TOP2B: variants seen among roughly 807,000 people sequenced by gnomAD.
The protein encoded by TOP2B is DNA topoisomerase 2-beta.
In TOP2B, 51 loss-of-function variants were observed where a neutral mutation model predicts 193.5. That is an observed-to-expected ratio of 0.26 (90% CI 0.21 to 0.33). The LOEUF is 0.33. TOP2B is among the 10% of genes least tolerant of loss of function. The probability of loss-of-function intolerance (pLI) is 1.00; values close to 1 mark genes in which losing one functional copy is unlikely to be tolerated. For missense variants in TOP2B, 1,378 were observed against 1,909.3 expected (o/e 0.72, Z 5.19); for synonymous variants, 634 against 635.7 (o/e 1.00, Z 0.04).
chr3:25,602,656 A>G (rs1417044442), intron 33 of TOP2B, among the ~76,000 whole-genome samples: 1 of 152,228 alleles, frequency 6.6e-6, no homozygotes, highest in South Asian at 2.1e-4. Flanking sequence ...CTTCATGACT[A>G]TATCTACCAC....
At chr3:25,642,485 T>A (rs958127770) in intron 3 of TOP2B, 100 bp from the exon 4 acceptor site, 8 of 593,762 alleles carry the variant, frequency 1.3e-5, no homozygotes, top group Middle Eastern at 8.0e-4. Flanking sequence ...AACATCTACA[T>A]ATGGTAATAG....
In TOP2B at chr3:25,618,464, C is replaced by T; in HGVS notation, c.3305G>A (p.Gly1102Asp). The T allele has an allele frequency of 1.9e-6, 3 of 1,613,118 alleles. No homozygotes were observed. Among genetic ancestry groups the T allele is most frequent in the Non-Finnish European group, 2.5e-6 (3 of 1,179,406 alleles). ...KDLIQMLVQR[G>D]YESDPVKAWK... ...GGCTTTCACTGGGTCAGATTCATAA[C>T]CTCTCTGGACTAACATTTGAATCAA... is the stretch of plus-strand genomic sequence containing the variant. Residue 1102 changes from glycine to aspartate, a missense_variant, in exon 25 of 36, where the codon GGT becomes GAT. Transcript: ENST00000264331.
In TOP2B at chr3:25,600,971, T is replaced by C. The variant is rs1702076736; in HGVS notation, c.4615+129A>G. The C allele has an allele frequency of 5.6e-6, 5 of 900,796 alleles. No individual in the cohort carries two copies. The South Asian group carries it at 8.9e-5, about 16-fold the overall frequency. 55.8% of individuals were successfully genotyped at this position (900,796 alleles called of 1,614,324 possible). A position where few individuals can be genotyped will look rare whatever the true frequency, so the allele number is the denominator to read the frequency against. ...ATTCAGCACTGATTCCTAGACACACTGCTTACTGAGGAGTAAAGCAATTTA... is the reference window on the plus strand; with the variant it reads ...ATTCAGCACTGATTCCTAGACACACCGCTTACTGAGGAGTAAAGCAATTTA... On this transcript the variant is annotated intron_variant, in intron 34 of 35. Coordinates refer to ENST00000264331, the MANE Select transcript of TOP2B (RefSeq NM_001330700.2).
rs1402478862 is a variant in TOP2B at position 25,615,392 on chromosome 3, G to C, written c.3507+39C>G. On this transcript the variant is annotated intron_variant, in intron 26 of 35. Transcript: ENST00000264331. Reference sequence around the variant, plus strand: ...AAAAGAAAAAGATACAGATAACACTGAAATAGTTTCAAACTATTTAACCCA... The same window carrying C: ...AAAAGAAAAAGATACAGATAACACTCAAATAGTTTCAAACTATTTAACCCA... 6 of 1,530,712 alleles carry C rather than the reference G, an allele frequency of 3.9e-6. No individual in the cohort carries two copies. The Admixed American group carries it at 8.6e-5, about 22-fold the overall frequency. The allele number at this position is 1,530,712 out of a possible 1,614,324, so 94.8% of individuals were successfully genotyped here.
chr3:25,647,691 T>C (rs1703449732), intron 1 of TOP2B, among the ~76,000 whole-genome samples: 1 of 152,086 alleles, frequency 6.6e-6, no homozygotes, highest in Non-Finnish European at 1.5e-5. Context: ...ACTTCCTTAC[T>C]TATAATCACC....
chr3:25,628,717 A>G (rs1436452200), intron 15 of TOP2B, 130 bp downstream of exon 15: 2 of 586,098 alleles, frequency 3.4e-6, no homozygotes, highest in African/African-American at 3.8e-5. Context: ...TTTCTATAAC[A>G]ATACTTTAAA....
intron 1 of TOP2B, among the ~76,000 whole-genome samples, chr3:25,656,222 C>T (rs866100453): frequency 7.2e-5 from 11 of 151,976 alleles, no homozygotes; most frequent in Non-Finnish European, 5.9e-5. Flanking sequence ...TCAGGAAAAG[C>T]CTTAAGGGAT....
chr3:25,630,653 T>C (rs1702928456), intron 11 of TOP2B, 148 bp downstream of exon 11: 4 of 846,728 alleles, frequency 4.7e-6, no homozygotes, highest in Non-Finnish European at 5.2e-6. Flanking sequence ...AAATTAGTAA[T>C]ATGTTGTGTA....
chr3:25,638,830 G>A (rs536487617), intron 4 of TOP2B, among the ~76,000 whole-genome samples: 55 of 151,968 alleles, frequency 3.6e-4, no homozygotes, highest in Non-Finnish European at 7.2e-4. Context: ...CTCAGATCTG[G>A]TATTTATTTC....
intron 33 of TOP2B, 105 bp downstream of exon 33, chr3:25,604,655 T>C (rs1702189963): frequency 1.2e-5 from 11 of 936,394 alleles, no homozygotes; most frequent in Admixed American, 1.1e-4. Context: ...TACTTCTTAA[T>C]TGTTTTATGA....
chr3:25,599,344 G>T, intron 35 of TOP2B, 91 bp downstream of exon 35: 1 of 1,194,794 alleles, frequency 8.4e-7, no homozygotes, highest in Non-Finnish European at 1.2e-6. Flanking sequence ...GTGGAAAGCT[G>T]TTCCAGGACT....
At chr3:25,662,799 A>G (rs1703955659) in intron 1 of TOP2B, among the ~76,000 whole-genome samples, 2 of 152,260 alleles carry the variant, frequency 1.3e-5, no homozygotes, top group Admixed American at 6.5e-5. Flanking sequence ...AACACCGATC[A>G]GGCCTCAACA....
At chr3:25,602,312 G>A (rs1373083303) in intron 33 of TOP2B, among the ~76,000 whole-genome samples, 3 of 146,824 alleles carry the variant, frequency 2.0e-5, no homozygotes, top group Non-Finnish European at 4.4e-5. Flanking sequence ...CAGAGGAATC[G>A]CTTGAACCCA....
chr3:25,604,699 A>G (rs1180489668), intron 33 of TOP2B, 61 bp downstream of exon 33: 1 of 1,311,456 alleles, frequency 7.6e-7, no homozygotes, highest in Non-Finnish European at 1.1e-6. Flanking sequence ...ATTAAATTAC[A>G]TTTCCTTTTA....
intron 2 of TOP2B, among the ~76,000 whole-genome samples, chr3:25,645,095 C>G (rs1269541582): frequency 6.6e-6 from 1 of 152,012 alleles, no homozygotes; most frequent in Non-Finnish European, 1.5e-5. Flanking sequence ...CAGGTGTGAG[C>G]CACTGCGCTC....
Position 25,598,334 on chromosome 3 carries a change from A to C in TOP2B, c.4854T>G (p.Asp1618Glu). 1 of 1,610,408 alleles carries C rather than the reference A, an allele frequency of 6.2e-7. No individual in the cohort carries two copies. Among genetic ancestry groups the C allele is most frequent in the Non-Finnish European group, 8.5e-7 (1 of 1,178,344 alleles). Residue 1618 changes from aspartate to glutamate, a missense_variant, in exon 36 of 36, where the codon GAT (aspartate) becomes GAG (glutamate). Asp to Glu is a conservative substitution (Grantham distance 45, BLOSUM62 2). This residue lies in a region of TOP2B where 556 missense variants were observed against 584.2 expected (regional missense o/e 0.95). Transcript: ENST00000264331. Reference protein sequence around the residue: ...KYFAESDEEEDDVDFAMFN With the variant: ...KYFAESDEEEEDVDFAMFN The stretch of plus-strand genomic sequence containing the variant: ...AATTAAACATTGCAAAATCAACATC[A>C]TCTTCTTCTTCATCAGACTCTGCAA...
At position 25,638,314 on chromosome 3, in the gene TOP2B, T is replaced by TTAAAA. The variant is rs1703160557; in HGVS notation, c.396-5_396-4insTTTTA. 1 of 129,164 alleles carries TTAAAA rather than the reference T, an allele frequency of 7.7e-6. No homozygotes were observed. The highest frequency in any genetic ancestry group is 1.0e-4 in the African/African-American group (1 of 10,046). 8.0% of individuals were successfully genotyped at this position (129,164 alleles called of 1,614,324 possible). A position where few individuals can be genotyped will look rare whatever the true frequency, so the allele number is the denominator to read the frequency against. ...AATGCTTATAATGTTAGATTCACTG[T>TTAAAA]AAAAAAAAAAAAAAAAAAAAAAAAA... On this transcript the variant is annotated splice_polypyrimidine_tract_variant and splice_region_variant and intron_variant, in intron 4 of 35. Coordinates refer to ENST00000264331, the MANE Select transcript of TOP2B (RefSeq NM_001330700.2).
intron 1 of TOP2B, among the ~76,000 whole-genome samples, chr3:25,659,790 T>A (rs553626449): frequency 6.6e-6 from 1 of 152,302 alleles, no homozygotes; most frequent in East Asian, 1.9e-4. Context: ...CTTATCAGAG[T>A]ATAAAAGATG....
intron 33 of TOP2B, among the ~76,000 whole-genome samples, chr3:25,604,171 G>A (rs1035434149): frequency 6.6e-6 from 1 of 152,098 alleles, no homozygotes; most frequent in Admixed American, 6.5e-5. Flanking sequence ...TTTACTTGCT[G>A]TCTTAAATAG....
Sources: allele counts gnomAD v4.1 joint callset (sites outside exome capture counted in the v4.1 genomes callset), GRCh38; gene constraint gnomAD v4.1.1; regional missense constraint gnomAD v4.1.1; transcripts MANE v1.5; gene names NCBI Gene and HGNC (gene_info 2026-07-23, HGNC 2026-07-21).